The following TSPAN7 variants were observed in gnomAD, a reference collection of about 807,000 sequenced individuals.
TSPAN7 encodes tetraspanin-7.
In TSPAN7, 1 loss-of-function variant was observed where a neutral mutation model predicts 17.6. The observed-to-expected ratio is 0.06, with a 90% CI of 0.02 to 0.27. The LOEUF is 0.27. Ranked by LOEUF, TSPAN7 falls within the 10% of genes least tolerant of loss-of-function variation. The pLI is 1.00. For synonymous variants in TSPAN7, 78 were observed against 79.0 expected (o/e 0.99, Z 0.07); for missense variants, 112 against 201.7 (o/e 0.56, Z 2.69).
At chrX:38,663,628 T>A (rs780412160) in intron 1 of TSPAN7, among the ~76,000 whole-genome samples, 5 of 112,502 alleles carry the variant, frequency 4.4e-5, no homozygotes, top group African/African-American at 1.6e-4. Flanking sequence ...CTGGTATAGG[T>A]TTTGCACTTA....
chrX:38,639,273 C>G (rs2069599788), intron 1 of TSPAN7, among the ~76,000 whole-genome samples: 2 of 109,247 alleles, frequency 1.8e-5, no homozygotes, highest in South Asian at 8.2e-4. Context: ...TGTCATCCCC[C>G]TTTTACAGAG....
At chrX:38,576,106 A>T (rs1217843456) in intron 1 of TSPAN7, among the ~76,000 whole-genome samples, 1 of 112,387 alleles carries the variant, frequency 8.9e-6, no homozygotes, top group Non-Finnish European at 1.9e-5. Context: ...CAGCATAGAC[A>T]ATATGTAAAT....
intron 1 of TSPAN7, among the ~76,000 whole-genome samples, chrX:38,642,806 C>A (rs1042096729): frequency 9.0e-6 from 1 of 111,497 alleles, no homozygotes; most frequent in East Asian, 2.8e-4. Context: ...CCACTCCTTA[C>A]CTCCATTTCC....
At chrX:38,677,452 G>C (rs1000057916) in intron 5 of TSPAN7, among the ~76,000 whole-genome samples, 5 of 111,844 alleles carry the variant, frequency 4.5e-5, no homozygotes, top group Non-Finnish European at 9.4e-5. Context: ...AGGATCTTTT[G>C]TTAGTATGTA....
At chrX:38,656,630 C>T (rs1235623351) in intron 1 of TSPAN7, among the ~76,000 whole-genome samples, 1 of 111,970 alleles carries the variant, frequency 8.9e-6, no homozygotes, top group Non-Finnish European at 1.9e-5. Context: ...TTTCTAAGTA[C>T]ATAAATCTCC....
Position 38,623,302 on chromosome X carries a change from C to G in TSPAN7, c.82-42819C>G, listed in dbSNP as rs183243316. 3.7e-3 allele frequency among the ~76,000 whole-genome samples: 414 copies of G among 111,411 alleles called. 6 individuals are homozygous for G. The highest frequency in any genetic ancestry group is 0.013 in the African/African-American group (391 of 30,605). Reference sequence around the variant, plus strand: ...TAATGCCATGTGGTAAGATCAAAGACCTTCCTGGAACTCAGCTTCCATTCC... The same window carrying G: ...TAATGCCATGTGGTAAGATCAAAGAGCTTCCTGGAACTCAGCTTCCATTCC... On this transcript the variant is annotated intron_variant, in intron 1 of 7. Transcript: ENST00000378482.
chrX:38,643,672 CAAAAA>C (rs34238064), intron 1 of TSPAN7, among the ~76,000 whole-genome samples: 1 of 56,049 alleles, frequency 1.8e-5, no homozygotes, highest in African/African-American at 7.1e-5. Context: ...CCGTCTCTAC[CAAAAA>C]AAAAAAAAAA....
intron 1 of TSPAN7, among the ~76,000 whole-genome samples, chrX:38,652,618 A>G (rs926037105): frequency 8.9e-6 from 1 of 112,701 alleles, no homozygotes; most frequent in African/African-American, 3.2e-5. Flanking sequence ...ATACATTTTG[A>G]GTTTCAAACA....
intron 1 of TSPAN7, among the ~76,000 whole-genome samples, chrX:38,605,139 A>T (rs1221506125): frequency 2.7e-5 from 3 of 109,493 alleles, no homozygotes. Flanking sequence ...TGCAGACGAC[A>T]TGATTGTATA....
At chrX:38,636,889 A>C (rs780594596) in intron 1 of TSPAN7, among the ~76,000 whole-genome samples, 1 of 111,466 alleles carries the variant, frequency 9.0e-6, no homozygotes, top group East Asian at 2.8e-4. Context: ...TCCTGACCTC[A>C]GGTGATCCGC....
intron 1 of TSPAN7, among the ~76,000 whole-genome samples, chrX:38,577,748 G>A (rs2069203670): frequency 9.3e-6 from 1 of 107,393 alleles, no homozygotes; most frequent in South Asian, 4.4e-4. Flanking sequence ...CACTAACATG[G>A]CACATGTATA....
Position 38,598,917 on chromosome X carries a change from T to A in TSPAN7, c.81+37290T>A, listed in dbSNP as rs188919393. On this transcript the variant is annotated intron_variant, in intron 1 of 7. Transcript: ENST00000378482. ...AAAACAAGTGATGCTTCATATAACA[T>A]TTGTCTGCTTAAGAAGTAACAAAGG... 2.3e-3 allele frequency among the ~76,000 whole-genome samples: 260 copies of A among 112,269 alleles called. 4 individuals are homozygous for A. Among genetic ancestry groups the A allele is most frequent in the African/African-American group, 8.1e-3 (250 of 31,038 alleles).
At chrX:38,659,974 G>C (rs1388811120) in intron 1 of TSPAN7, among the ~76,000 whole-genome samples, 1 of 107,845 alleles carries the variant, frequency 9.3e-6, no homozygotes, top group African/African-American at 3.4e-5. Flanking sequence ...TTACAGGCAC[G>C]CACCACCACA....
In TSPAN7 at chrX:38,671,889, A is replaced by G. The variant is rs759969742; in HGVS notation, c.345+439A>G. ...TGAGAACCCCATCTCTAAAAAATAAAAAAAATAAATTAGCTGGGTGTGGTG... is the reference window on the plus strand; with the variant it reads ...TGAGAACCCCATCTCTAAAAAATAAGAAAAATAAATTAGCTGGGTGTGGTG... On this transcript the variant is annotated intron_variant, in intron 3 of 7. Coordinates refer to ENST00000378482, the MANE Select transcript of TSPAN7 (RefSeq NM_004615.4). Among the ~76,000 whole-genome samples, 16 of 110,613 alleles carry G rather than the reference A, an allele frequency of 1.4e-4. No individual in the cohort carries two copies. The South Asian group carries it at 5.9e-3, about 41-fold the overall frequency.
chrX:38,608,870 G>A (rs1357267916), intron 1 of TSPAN7, among the ~76,000 whole-genome samples: 7 of 111,340 alleles, frequency 6.3e-5, no homozygotes, highest in Middle Eastern at 4.6e-3. Context: ...TAACATTATC[G>A]CAGATATTTT....
At chrX:38,643,662 C>T (rs2069627432) in intron 1 of TSPAN7, among the ~76,000 whole-genome samples, 1 of 91,691 alleles carries the variant, frequency 1.1e-5, no homozygotes, top group East Asian at 3.8e-4. Flanking sequence ...CAATGAAACC[C>T]CGTCTCTACC....
intron 1 of TSPAN7, among the ~76,000 whole-genome samples, chrX:38,643,718 G>A (rs1377096654): frequency 9.3e-6 from 1 of 107,712 alleles, no homozygotes; most frequent in Admixed American, 1.0e-4. Context: ...GGTGGCGGGT[G>A]CCTGTAGTCC....
intron 1 of TSPAN7, among the ~76,000 whole-genome samples, chrX:38,659,010 AC>A (rs1481261319): frequency 2.3e-5 from 1 of 44,205 alleles, no homozygotes; most frequent in African/African-American, 5.9e-5. Flanking sequence ...ATACACACAC[AC>A]ACACACACAC....
intron 7 of TSPAN7, 32 bp downstream of exon 7, chrX:38,687,706 G>A (rs749416163): frequency 1.7e-6 from 2 of 1,166,136 alleles, no homozygotes; most frequent in Admixed American, 4.4e-5. Context: ...TTAATTTTGA[G>A]GGGTCCCCTT....
Sources: allele counts gnomAD v4.1 joint callset (sites outside exome capture counted in the v4.1 genomes callset), GRCh38; gene constraint gnomAD v4.1.1; transcripts MANE v1.5; gene names NCBI Gene and HGNC (gene_info 2026-07-23, HGNC 2026-07-21).